The following TENM2 variants were observed in gnomAD, a reference collection of about 807,000 sequenced individuals.
TENM2 encodes teneurin-2.
Under a neutral mutation model 245.2 loss-of-function variants are expected in TENM2, and 52 were observed. The observed-to-expected ratio is 0.21, with a 90% CI of 0.17 to 0.27. The LOEUF is 0.27. TENM2 is among the 10% of genes least tolerant of loss of function. The probability of loss-of-function intolerance (pLI) is 1.00; values close to 1 mark genes in which losing one functional copy is unlikely to be tolerated. For missense variants in TENM2, 3,046 were observed against 3,666.8 expected (o/e 0.83, Z 4.37); for synonymous variants, 1,363 against 1,438.9 (o/e 0.95, Z 1.19).
intron 2 of TENM2, among the ~76,000 whole-genome samples, chr5:167,709,887 T>C (rs1719115148): frequency 6.6e-6 from 1 of 152,106 alleles, no homozygotes; most frequent in South Asian, 2.1e-4. Context: ...AAGACTCTTT[T>C]TGGTTTAACT....
At chr5:168,047,281 G>A in intron 5 of TENM2, 146 bp from the exon 8 acceptor site, 2 of 820,554 alleles carry the variant, frequency 2.4e-6, no homozygotes, top group Non-Finnish European at 3.9e-6. Flanking sequence ...TCTGTATTTA[G>A]CTAATCCCTG....
At chr5:167,956,148 G>A (rs918094215) in intron 4 of TENM2, among the ~76,000 whole-genome samples, 4 of 152,276 alleles carry the variant, frequency 2.6e-5, no homozygotes, top group Middle Eastern at 3.4e-3. Context: ...ATTTCGTTGA[G>A]CAGTGGTTTG....
intron 13 of TENM2, among the ~76,000 whole-genome samples, chr5:168,177,937 C>T (rs907037791): frequency 2.6e-5 from 4 of 152,178 alleles, no homozygotes; most frequent in African/African-American, 7.2e-5. Flanking sequence ...GGAATGACAC[C>T]GTTTAGAAAT....
chr5:167,062,061 A>G, the TENM2 span, among the ~76,000 whole-genome samples: 3 of 152,132 alleles, frequency 2.0e-5, no homozygotes, highest in Non-Finnish European at 2.9e-5. Flanking sequence ...CATGGCACTT[A>G]GTAATTTTAA....
chr5:167,677,043 T>C (rs1016440642), intron 2 of TENM2, among the ~76,000 whole-genome samples: 3 of 152,134 alleles, frequency 2.0e-5, no homozygotes, highest in Non-Finnish European at 4.4e-5. Flanking sequence ...CCCTCTGCGC[T>C]CCATGCAGAC....
the TENM2 span, among the ~76,000 whole-genome samples, chr5:167,240,759 G>A: frequency 6.6e-6 from 1 of 152,202 alleles, no homozygotes; most frequent in Non-Finnish European, 1.5e-5. Flanking sequence ...TTCATGTTCA[G>A]CAGGAGAAAG....
intron 4 of TENM2, among the ~76,000 whole-genome samples, chr5:167,975,954 T>A (rs1283964965): frequency 1.3e-5 from 2 of 152,208 alleles, no homozygotes; most frequent in Non-Finnish European, 2.9e-5. Context: ...TCTTTTGTTT[T>A]CTTTCACCTC....
intron 2 of TENM2, among the ~76,000 whole-genome samples, chr5:167,828,546 C>T (rs909166888): frequency 1.3e-5 from 2 of 152,142 alleles, no homozygotes; most frequent in Non-Finnish European, 2.9e-5. Flanking sequence ...TTAATATATC[C>T]TGAATAAATA....
intron 12 of TENM2, among the ~76,000 whole-genome samples, chr5:168,153,209 T>C (rs1168049613): frequency 2.0e-5 from 3 of 151,986 alleles, no homozygotes; most frequent in Non-Finnish European, 4.4e-5. Context: ...AGGAATCACC[T>C]GGGTAGCTTA....
intron 2 of TENM2, among the ~76,000 whole-genome samples, chr5:167,567,611 T>C (rs1029812338): frequency 3.3e-5 from 5 of 152,142 alleles, no homozygotes; most frequent in Admixed American, 6.5e-5. Flanking sequence ...TTGTTAATTC[T>C]TCCTACCACA....
chr5:167,657,883 G>A lies in TENM2; in HGVS notation c.503-218103G>A, dbSNP rs534372114. ...GATCTAGCAGAGCATGGAGCCACAT[G>A]CATCTATATTAGCTGCAATGCACAT... is the stretch of plus-strand genomic sequence containing the variant. On this transcript the variant is annotated intron_variant, in intron 2 of 28. Transcript: ENST00000518659. 5.3e-5 allele frequency among the ~76,000 whole-genome samples: 8 copies of A among 152,178 alleles called. 1 individual carries two copies. Among genetic ancestry groups the A allele is most frequent in the Non-Finnish European group, 8.8e-5 (6 of 68,028 alleles).
At chr5:167,827,198 T>C (rs2151071900) in intron 2 of TENM2, among the ~76,000 whole-genome samples, 1 of 152,350 alleles carries the variant, frequency 6.6e-6, no homozygotes, top group South Asian at 2.1e-4. Context: ...TTGGCTGAAC[T>C]TTTTTCCAAC....
intron 3 of TENM2, among the ~76,000 whole-genome samples, chr5:167,877,459 G>A (rs551354805): frequency 1.4e-4 from 22 of 152,228 alleles, no homozygotes; most frequent in African/African-American, 5.1e-4. Flanking sequence ...TATTATGAAG[G>A]CCTTTAATCT....
intron 2 of TENM2, among the ~76,000 whole-genome samples, chr5:167,749,499 G>A (rs948465413): frequency 6.6e-6 from 1 of 152,016 alleles, no homozygotes; most frequent in East Asian, 1.9e-4. Flanking sequence ...TCAGCCGGGT[G>A]TGGTGGTGGG....
chr5:168,172,379 G>C (rs1758924239), intron 13 of TENM2, among the ~76,000 whole-genome samples: 1 of 152,200 alleles, frequency 6.6e-6, no homozygotes, highest in Non-Finnish European at 1.5e-5. Flanking sequence ...CTTACTAAGG[G>C]CCAGGCCCTT....
intron 2 of TENM2, among the ~76,000 whole-genome samples, chr5:167,463,848 A>C (rs1412730757): frequency 6.6e-6 from 1 of 152,120 alleles, no homozygotes; most frequent in African/African-American, 2.4e-5. Flanking sequence ...ACTTTGCAAG[A>C]GTGTTAGTTG....
chr5:167,769,578 C>T (rs372655995), intron 2 of TENM2, among the ~76,000 whole-genome samples: 2 of 152,154 alleles, frequency 1.3e-5, no homozygotes, highest in African/African-American at 2.4e-5. Flanking sequence ...ATTCTTGCCG[C>T]AGGCTTTTCC....
chr5:167,940,875 C>T (rs988565436), intron 3 of TENM2, among the ~76,000 whole-genome samples: 1 of 152,202 alleles, frequency 6.6e-6, no homozygotes, highest in Non-Finnish European at 1.5e-5. Flanking sequence ...GGTCTCTGAT[C>T]AAATATCATC....
chr5:168,178,065 G>A (rs748521604), intron 13 of TENM2, among the ~76,000 whole-genome samples: 44 of 152,198 alleles, frequency 2.9e-4, no homozygotes, highest in African/African-American at 5.5e-4. Flanking sequence ...AGCATCATGC[G>A]CCCCTACTAA....
Sources: allele counts gnomAD v4.1 joint callset (sites outside exome capture counted in the v4.1 genomes callset), GRCh38; gene constraint gnomAD v4.1.1; transcripts MANE v1.5; gene names NCBI Gene and HGNC (gene_info 2026-07-23, HGNC 2026-07-21).